Variants in AOPEP observed in about 807,000 individuals in gnomAD.
AOPEP encodes the protein aminopeptidase O (putative).
A neutral mutation model predicts 98.1 loss-of-function variants in AOPEP; 77 were observed. The observed-to-expected ratio is 0.78, with a 90% CI of 0.65 to 0.95. The LOEUF (loss-of-function observed/expected upper bound fraction) is 0.95, where lower values mean the gene tolerates loss of function less well. Among genes scored for constraint, AOPEP ranks in the 40% least tolerant of loss-of-function variants. AOPEP has a pLI of 0.00. For missense variants in AOPEP, 1,024 were observed against 1,024.7 expected, an observed-to-expected ratio of 1.00 and a Z score of 0.01; for synonymous variants, 346 against 365.3, an observed-to-expected ratio of 0.95 and a Z score of 0.60.
chr9:95,055,046 C>G (rs2066706219), intron 13 of AOPEP, among the ~76,000 whole-genome samples: 1 of 152,132 alleles, frequency 6.6e-6, no homozygotes, highest in Non-Finnish European at 1.5e-5. Context: ...AAAGGTTTTT[C>G]TTTTCTGAAT....
chr9:95,009,361 CTT>C (rs1354103993), intron 13 of AOPEP, among the ~76,000 whole-genome samples: 4 of 151,900 alleles, frequency 2.6e-5, no homozygotes, highest in South Asian at 2.1e-4. Flanking sequence ...GTAGAATAGT[CTT>C]TTATGAAATA....
At position 94,760,589 on chromosome 9, in the gene AOPEP, T is replaced by C. The variant is rs1838023557; in HGVS notation, c.797+9T>C. 2.0e-6 allele frequency: 3 copies of C among 1,529,312 alleles called. No homozygotes were observed. The highest frequency in any genetic ancestry group is 1.8e-4 in the Middle Eastern group (1 of 5,638). 94.7% of individuals were successfully genotyped at this position (1,529,312 alleles called of 1,614,324 possible). A position where few individuals can be genotyped will look rare whatever the true frequency, so the allele number is the denominator to read the frequency against. On this transcript the variant is annotated intron_variant, in intron 2 of 16. Coordinates refer to ENST00000375315, the MANE Select transcript of AOPEP (RefSeq NM_001193329.3). ...TCAGACCAGAGTGGCAGGTAGGTTA[T>C]CCAAGCACTTCAAAGCCCTGTGCCT... is the stretch of plus-strand genomic sequence containing the variant.
chr9:94,880,932 T>A (rs923148752), intron 5 of AOPEP, among the ~76,000 whole-genome samples: 1 of 152,190 alleles, frequency 6.6e-6, no homozygotes, highest in Non-Finnish European at 1.5e-5. Context: ...ATGGAGCATC[T>A]CATAAATCAA....
chr9:95,087,547 T>A (rs920591062), downstream of AOPEP, among the ~76,000 whole-genome samples: 8 of 75,524 alleles, frequency 1.1e-4, no homozygotes, highest in Non-Finnish European at 2.6e-4. Flanking sequence ...CATTCTGGTG[T>A]TCCCCCCCCA....
intron 5 of AOPEP, among the ~76,000 whole-genome samples, chr9:94,887,731 C>A (rs760309491): frequency 2.6e-5 from 4 of 152,226 alleles, no homozygotes; most frequent in African/African-American, 4.8e-5. Flanking sequence ...TCCTCTCTTT[C>A]CTGTCCACGG....
chr9:95,013,986 G>A (rs937308063), intron 13 of AOPEP, among the ~76,000 whole-genome samples: 2 of 152,022 alleles, frequency 1.3e-5, no homozygotes, highest in South Asian at 4.2e-4. Flanking sequence ...TATTTTCCTT[G>A]TCTGTAAAAT....
At chr9:95,058,545 G>T (rs958313231) in intron 13 of AOPEP, among the ~76,000 whole-genome samples, 1 of 152,192 alleles carries the variant, frequency 6.6e-6, no homozygotes, top group African/African-American at 2.4e-5. Context: ...CCTTTGTCTG[G>T]AGGGGCCTTG....
chr9:94,999,990 G>A (rs1380657004), intron 11 of AOPEP, among the ~76,000 whole-genome samples: 15 of 152,214 alleles, frequency 9.9e-5, no homozygotes, highest in Admixed American at 9.8e-4. Context: ...AAGAAGGTCT[G>A]TTAGCTGGTT....
rs7041582 is a variant in AOPEP at position 94,870,107 on chromosome 9, A to T, written c.1365-53879A>T. On this transcript the variant is annotated intron_variant, in intron 5 of 16. Coordinates refer to ENST00000375315, the MANE Select transcript of AOPEP (RefSeq NM_001193329.3). ...GGGTTCAAGCGATTCTCCTGCCTCA[A>T]CCTCCCAAGTAGCTAGGATTATAGG... Among the ~76,000 whole-genome samples the T allele has an allele frequency of 1.9e-3, 288 of 150,108 alleles. 3 individuals are homozygous for T. Among genetic ancestry groups the T allele is most frequent in the African/African-American group, 6.6e-3 (269 of 40,612 alleles).
At chr9:95,094,735 G>T in the AOPEP span, among the ~76,000 whole-genome samples, 1 of 152,144 alleles carries the variant, frequency 6.6e-6, no homozygotes, top group Admixed American at 6.5e-5. Context: ...GCACGATCTT[G>T]GCTCACTGCA....
At chr9:94,916,968 A>C (rs1367054613) in intron 5 of AOPEP, among the ~76,000 whole-genome samples, 1 of 152,230 alleles carries the variant, frequency 6.6e-6, no homozygotes, top group Non-Finnish European at 1.5e-5. Context: ...TGAAAAACTG[A>C]ATAAAATACT....
At chr9:94,933,467 G>C in intron 7 of AOPEP, 6 of 985,394 alleles carry the variant, frequency 6.1e-6, no homozygotes, top group Non-Finnish European at 7.2e-6. Flanking sequence ...ATCGCTTTAA[G>C]GAGGTGCAAC....
chr9:94,861,018 C>T (rs1338394467), intron 5 of AOPEP, among the ~76,000 whole-genome samples: 2 of 152,310 alleles, frequency 1.3e-5, no homozygotes, highest in East Asian at 3.9e-4. Context: ...CGGTTTCTTT[C>T]AGCTTCAGTG....
chr9:94,983,664 T>C (rs1431457995), intron 11 of AOPEP, among the ~76,000 whole-genome samples: 3 of 152,188 alleles, frequency 2.0e-5, no homozygotes, highest in Admixed American at 6.5e-5. Flanking sequence ...TTCAACTTTA[T>C]TTCCTGGCAT....
intron 11 of AOPEP, chr9:95,003,965 G>A (rs1205207753): frequency 9.2e-6 from 2 of 216,320 alleles, no homozygotes; most frequent in Non-Finnish European, 9.5e-6. Flanking sequence ...AATTCCTGAT[G>A]TCTCCATTAA....
chr9:94,796,989 A>G (rs908911304), intron 4 of AOPEP, among the ~76,000 whole-genome samples: 9 of 152,256 alleles, frequency 5.9e-5, no homozygotes, highest in African/African-American at 1.7e-4. Flanking sequence ...ACTACAAAGA[A>G]GAAAACACAT....
chr9:94,802,941 C>CT (rs1332720850), intron 5 of AOPEP, among the ~76,000 whole-genome samples: 1 of 152,144 alleles, frequency 6.6e-6, no homozygotes, highest in Non-Finnish European at 1.5e-5. Context: ...TGGCTTGACT[C>CT]TGTCGGGATC....
chr9:94,928,769 G>C (rs1476472762), intron 7 of AOPEP: 1 of 452,456 alleles, frequency 2.2e-6, no homozygotes, highest in Non-Finnish European at 3.9e-6. Flanking sequence ...CATTTCCGGG[G>C]GTCAGATCCT....
At chr9:95,148,121 G>C in the AOPEP span, among the ~76,000 whole-genome samples, 1 of 152,088 alleles carries the variant, frequency 6.6e-6, no homozygotes, top group African/African-American at 2.4e-5. Context: ...ACACACAGTC[G>C]AAACACTGCA....
Sources: allele counts gnomAD v4.1 joint callset (sites outside exome capture counted in the v4.1 genomes callset), GRCh38; gene constraint gnomAD v4.1.1; transcripts MANE v1.5; gene names NCBI Gene and HGNC (gene_info 2026-07-23, HGNC 2026-07-21).